Variants in PLD5 observed in about 807,000 individuals in gnomAD.
PLD5 encodes phospholipase D family member 5.
In PLD5, 36 loss-of-function variants were observed where a neutral mutation model predicts 61.1. The ratio of observed to expected loss-of-function variants is 0.59; its 90% confidence interval spans 0.45 to 0.78. The LOEUF is 0.78. PLD5 is among the 30% of genes least tolerant of loss of function. The probability of loss-of-function intolerance (pLI) is 0.00; values close to 1 mark genes in which losing one functional copy is unlikely to be tolerated. For missense variants in PLD5, 515 were observed against 644.4 expected (o/e 0.80, Z 2.17); for synonymous variants, 243 against 242.8 (o/e 1.00, Z -0.01).
chr1:242,324,821 G>A (rs902023733), intron 2 of PLD5, among the ~76,000 whole-genome samples: 12 of 152,026 alleles, frequency 7.9e-5, no homozygotes, highest in Non-Finnish European at 1.8e-4. Context: ...TTAACTGGCT[G>A]ATCAGGTCTT....
chr1:242,251,105 A>T (rs1403658762), intron 4 of PLD5, among the ~76,000 whole-genome samples: 1 of 152,214 alleles, frequency 6.6e-6, no homozygotes. Flanking sequence ...TTTTGGATAC[A>T]TTGATTTTGA....
chr1:242,364,297 C>T (rs1571982129), intron 1 of PLD5, among the ~76,000 whole-genome samples: 1 of 152,206 alleles, frequency 6.6e-6, no homozygotes, highest in Non-Finnish European at 1.5e-5. Context: ...TATCAACCAG[C>T]TTCACTGAAC....
intron 5 of PLD5, among the ~76,000 whole-genome samples, chr1:242,161,695 A>G (rs1665841758): frequency 6.6e-6 from 1 of 151,936 alleles, no homozygotes. Flanking sequence ...GGAACATTTC[A>G]CTCTCCTTTC....
rs993392371 is a variant in PLD5 at position 242,215,602 on chromosome 1, G to A, written c.735+4386C>T. Among the ~76,000 whole-genome samples the A allele has an allele frequency of 5.3e-5, 8 of 152,234 alleles. No individual in the cohort carries two copies. The East Asian group carries it at 1.5e-3, about 29-fold the overall frequency. On this transcript the variant is annotated intron_variant, in intron 5 of 9. Coordinates refer to ENST00000536534, the MANE Select transcript of PLD5 (RefSeq NM_001372062.1). ...ATGAATTATTAACATGGGGAAGAAGGTATGCTTCCACACCCCCTCGGGTCC... is the reference window on the plus strand; with the variant it reads ...ATGAATTATTAACATGGGGAAGAAGATATGCTTCCACACCCCCTCGGGTCC...
At chr1:242,326,657 C>G (rs1295186060) in intron 2 of PLD5, among the ~76,000 whole-genome samples, 2 of 151,982 alleles carry the variant, frequency 1.3e-5, no homozygotes, top group Admixed American at 6.6e-5. Context: ...TCCTTATATT[C>G]TCTTTTGGTT....
intron 3 of PLD5, among the ~76,000 whole-genome samples, chr1:242,281,903 T>A (rs1228206465): frequency 6.6e-6 from 1 of 152,052 alleles, no homozygotes; most frequent in Non-Finnish European, 1.5e-5. Flanking sequence ...AATTAATAAA[T>A]CAAATGAAAG....
intron 1 of PLD5, among the ~76,000 whole-genome samples, chr1:242,461,795 A>G (rs1667126725): frequency 6.6e-6 from 1 of 152,174 alleles, no homozygotes; most frequent in South Asian, 2.1e-4. Flanking sequence ...GACTGGTGTG[A>G]GATGGTATCT....
chr1:242,483,624 C>T (rs1480960056), intron 1 of PLD5, among the ~76,000 whole-genome samples: 2 of 152,024 alleles, frequency 1.3e-5, no homozygotes, highest in Non-Finnish European at 2.9e-5. Flanking sequence ...ACTTTAACAC[C>T]CCACTGTCAA....
At chr1:242,328,372 T>C (rs1353786946) in intron 2 of PLD5, among the ~76,000 whole-genome samples, 2 of 152,210 alleles carry the variant, frequency 1.3e-5, no homozygotes, top group African/African-American at 4.8e-5. Context: ...ATATGTGTTC[T>C]ACATGTGTTC....
chr1:242,355,696 T>C lies in PLD5; in HGVS notation c.190-7454A>G, dbSNP rs575220346. Among the ~76,000 whole-genome samples, 6 of 152,062 alleles carry C rather than the reference T, an allele frequency of 3.9e-5. No homozygotes were observed. The South Asian group carries it at 1.2e-3, about 31-fold the overall frequency. Reference sequence around the variant, plus strand: ...TTTTCTTAAGGTGTAACATTATTTATTTGAAATATTTTTTCTTTTTGATAT... The same window carrying C: ...TTTTCTTAAGGTGTAACATTATTTACTTGAAATATTTTTTCTTTTTGATAT... On this transcript the variant is annotated intron_variant, in intron 1 of 9. Transcript: ENST00000536534.
At chr1:242,292,041 G>A (rs1675398783) in intron 2 of PLD5, among the ~76,000 whole-genome samples, 1 of 152,210 alleles carries the variant, frequency 6.6e-6, no homozygotes, top group African/African-American at 2.4e-5. Flanking sequence ...AGGAAGCCAA[G>A]GGGAGAGAGA....
chr1:242,370,810 G>GCCAA (rs1463033263), intron 1 of PLD5, among the ~76,000 whole-genome samples: 8 of 152,070 alleles, frequency 5.3e-5, no homozygotes, highest in African/African-American at 1.2e-4. Context: ...ATGACAAAAT[G>GCCAA]CCAACTGGTC....
intron 6 of PLD5, among the ~76,000 whole-genome samples, chr1:242,118,576 G>C (rs1207978912): frequency 6.6e-6 from 1 of 152,236 alleles, no homozygotes; most frequent in Admixed American, 6.5e-5. Flanking sequence ...ATGTGAAAGT[G>C]CTTCATAAAT....
chr1:242,099,414 A>G (rs1277833619), intron 9 of PLD5, among the ~76,000 whole-genome samples: 1 of 152,174 alleles, frequency 6.6e-6, no homozygotes, highest in African/African-American at 2.4e-5. Flanking sequence ...CGTGTGAACC[A>G]CTGCACCCAG....
intron 5 of PLD5, among the ~76,000 whole-genome samples, chr1:242,192,673 G>T (rs533654348): frequency 1.3e-5 from 2 of 152,258 alleles, no homozygotes; most frequent in East Asian, 3.9e-4. Flanking sequence ...CATGTAACAC[G>T]GACAGAAGAG....
intron 1 of PLD5, among the ~76,000 whole-genome samples, chr1:242,419,405 T>TTTTTGG (rs1665010608): frequency 6.8e-6 from 1 of 147,018 alleles, no homozygotes. Flanking sequence ...TTTTTTTTTT[T>TTTTTGG]GGCGGGGGGA....
chr1:242,415,934 T>G (rs895378728), intron 1 of PLD5, among the ~76,000 whole-genome samples: 6 of 152,114 alleles, frequency 3.9e-5, no homozygotes, highest in African/African-American at 1.4e-4. Context: ...TAAAGCAAAA[T>G]TATTTTTGTA....
chr1:242,243,798 T>A (rs189846807), intron 4 of PLD5, among the ~76,000 whole-genome samples: 3 of 152,212 alleles, frequency 2.0e-5, no homozygotes, highest in Admixed American at 1.3e-4. Context: ...GCTAGCAGAG[T>A]GATTTAACAC....
At chr1:242,228,365 G>A (rs539087198) in intron 4 of PLD5, among the ~76,000 whole-genome samples, 47 of 152,226 alleles carry the variant, frequency 3.1e-4, no homozygotes, top group Non-Finnish European at 6.2e-4. Flanking sequence ...CTGACGACAC[G>A]TCCTTTTAAT....
Sources: allele counts gnomAD v4.1 joint callset (sites outside exome capture counted in the v4.1 genomes callset), GRCh38; gene constraint gnomAD v4.1.1; transcripts MANE v1.5; gene names NCBI Gene and HGNC (gene_info 2026-07-23, HGNC 2026-07-21).